PARD3: variants seen among roughly 807,000 people sequenced by gnomAD.
The protein encoded by PARD3 is par-3 family cell polarity regulator, also known as partitioning defective 3 homolog.
In PARD3, 75 loss-of-function variants were observed where a neutral mutation model predicts 155.4. The observed-to-expected ratio is 0.48, with a 90% CI of 0.40 to 0.58. The LOEUF (loss-of-function observed/expected upper bound fraction) is 0.58. PARD3 is among the 20% of genes least tolerant of loss of function. PARD3 has a pLI of 0.00. For synonymous variants in PARD3, 576 were observed against 610.5 expected (o/e 0.94, Z 0.83); for missense variants, 1,642 against 1,721.7 (o/e 0.95, Z 0.82).
intron 12 of PARD3, among the ~76,000 whole-genome samples, chr10:34,367,087 TACTC>T (rs1450139526): frequency 1.3e-5 from 2 of 152,198 alleles, no homozygotes; most frequent in African/African-American, 2.4e-5. Context: ...ACTCCCAAAA[TACTC>T]ACCCAATCAA....
At chr10:34,458,218 G>A (rs111656217) in intron 4 of PARD3, among the ~76,000 whole-genome samples, 3 of 150,604 alleles carry the variant, frequency 2.0e-5, no homozygotes, top group African/African-American at 7.3e-5. Context: ...TTTATTTTTT[G>A]GGGAGACAGG....
intron 1 of PARD3, among the ~76,000 whole-genome samples, chr10:34,704,277 GA>G (rs2094330347): frequency 6.6e-6 from 1 of 152,170 alleles, no homozygotes; most frequent in Admixed American, 6.5e-5. Flanking sequence ...CTCATTTCAG[GA>G]AAAACACAAA....
intron 1 of PARD3, among the ~76,000 whole-genome samples, chr10:34,717,670 G>A (rs1254045049): frequency 6.6e-6 from 1 of 151,914 alleles, no homozygotes; most frequent in Non-Finnish European, 1.5e-5. Context: ...GAGCGTCCAC[G>A]TGGCTACTAC....
chr10:34,361,962 G>A (rs533397268), intron 12 of PARD3, among the ~76,000 whole-genome samples: 15 of 152,196 alleles, frequency 9.9e-5, no homozygotes, highest in Non-Finnish European at 2.1e-4. Flanking sequence ...CCTTAAGCCT[G>A]CTCATCATAA....
intron 3 of PARD3, among the ~76,000 whole-genome samples, chr10:34,503,757 G>C (rs2080867801): frequency 6.6e-6 from 1 of 152,154 alleles, no homozygotes; most frequent in Non-Finnish European, 1.5e-5. Flanking sequence ...AATTTAAGGT[G>C]CAGAAAACTT....
intron 22 of PARD3, among the ~76,000 whole-genome samples, chr10:34,251,012 T>C (rs549016205): frequency 7.2e-5 from 11 of 152,318 alleles, no homozygotes; most frequent in Middle Eastern, 3.4e-3. Context: ...TAAACCTCTT[T>C]CACCTTAGTC....
chr10:34,547,177 C>G (rs2084148691), intron 2 of PARD3, among the ~76,000 whole-genome samples: 1 of 152,168 alleles, frequency 6.6e-6, no homozygotes, highest in Admixed American at 6.5e-5. Context: ...TCAGCCTGTG[C>G]CCATTAGCAG....
intron 1 of PARD3, among the ~76,000 whole-genome samples, chr10:34,703,492 G>A (rs1472126336): frequency 6.6e-6 from 1 of 151,744 alleles, no homozygotes; most frequent in African/African-American, 2.4e-5. Flanking sequence ...GATAAAAAAG[G>A]CTAATAATAA....
At chr10:34,111,599 GA>G in intron 24 of PARD3, 37 bp from the exon 25 acceptor site, 2 of 1,540,146 alleles carry the variant, frequency 1.3e-6, no homozygotes, top group Non-Finnish European at 1.8e-6. Context: ...GTGAGGGTAG[GA>G]AGAAGGAGGG....
chr10:34,355,412 G>C (rs750315497), intron 14 of PARD3, among the ~76,000 whole-genome samples: 6 of 152,176 alleles, frequency 3.9e-5, no homozygotes, highest in African/African-American at 9.7e-5. Context: ...AGAGGTCAAG[G>C]GTGACCCCAG....
chr10:34,740,172 G>C (rs1444830096), intron 1 of PARD3, among the ~76,000 whole-genome samples: 2 of 152,218 alleles, frequency 1.3e-5, no homozygotes, highest in African/African-American at 2.4e-5. Flanking sequence ...AAAAGAGGCA[G>C]TCCCATTGCA....
intron 2 of PARD3, among the ~76,000 whole-genome samples, chr10:34,646,421 A>G (rs1317012815): frequency 7.9e-5 from 12 of 152,232 alleles, no homozygotes; most frequent in Non-Finnish European, 2.9e-5. Flanking sequence ...GTTTTTCTGC[A>G]TTACAACATA....
chr10:34,161,880 G>A (rs910483403), intron 22 of PARD3, among the ~76,000 whole-genome samples: 2 of 152,156 alleles, frequency 1.3e-5, no homozygotes, highest in East Asian at 1.9e-4. Context: ...TGCACTGCTC[G>A]ACGCTTTCAG....
chr10:34,344,942 T>C, intron 15 of PARD3: 3 of 985,386 alleles, frequency 3.0e-6, no homozygotes, highest in Middle Eastern at 5.2e-4. Context: ...ATAAGGTAAG[T>C]TGGCTGGAGT....
chr10:34,432,637 C>G (rs946990813), intron 5 of PARD3, among the ~76,000 whole-genome samples: 7 of 152,152 alleles, frequency 4.6e-5, no homozygotes, highest in African/African-American at 1.7e-4. Context: ...AGGTTCAGAA[C>G]TGGCAGTTTC....
chr10:34,378,042 G>A lies in PARD3; in HGVS notation c.1464C>T (p.Ile488=), dbSNP rs1175435944. The A allele has an allele frequency of 1.3e-6, 2 of 1,596,526 alleles. No individual in the cohort carries two copies. The highest frequency in any genetic ancestry group is 1.8e-5 in the Admixed American group (1 of 56,788). ...RDVTIGGSAP[I]YVKNILPRGA... ...CCCGGGGGAGAATGTTTTTCACATA[G>A]ATTGGAGCTGAGCCACCTATTGTTA... Residue 488 remains isoleucine, a synonymous_variant, in exon 10 of 25, where the codon ATC becomes ATT. Transcript: ENST00000374788.
At chr10:34,195,896 G>A (rs147656148) in intron 22 of PARD3, among the ~76,000 whole-genome samples, 6 of 152,158 alleles carry the variant, frequency 3.9e-5, no homozygotes, top group Admixed American at 2.0e-4. Flanking sequence ...TTCCTGGTAC[G>A]GTACACGTGG....
At chr10:34,676,848 G>A (rs2093717456) in intron 2 of PARD3, among the ~76,000 whole-genome samples, 1 of 152,172 alleles carries the variant, frequency 6.6e-6, no homozygotes. Flanking sequence ...CGAAAGGGAA[G>A]AGAAAAGATT....
chr10:34,440,292 A>C (rs1194373748), intron 5 of PARD3, among the ~76,000 whole-genome samples: 2 of 152,240 alleles, frequency 1.3e-5, no homozygotes, highest in Admixed American at 6.5e-5. Flanking sequence ...GCAGTTGCAC[A>C]GCTCATGGAA....
Sources: allele counts gnomAD v4.1 joint callset (sites outside exome capture counted in the v4.1 genomes callset), GRCh38; gene constraint gnomAD v4.1.1; transcripts MANE v1.5; gene names NCBI Gene and HGNC (gene_info 2026-07-23, HGNC 2026-07-21).